The following CCDC178 variants were observed in gnomAD, a reference collection of about 807,000 sequenced individuals.
The protein encoded by CCDC178 is coiled-coil domain containing 178.
A neutral mutation model predicts 117.4 loss-of-function variants in CCDC178; 126 were observed. The ratio of observed to expected loss-of-function variants is 1.07; its 90% CI spans 0.93 to 1.24. The LOEUF (loss-of-function observed/expected upper bound fraction) is 1.24, where lower values mean the gene tolerates loss of function less well. Among genes scored for constraint, CCDC178 ranks in the 50% most tolerant of loss-of-function variants. The probability of loss-of-function intolerance (pLI) is 0.00; values close to 1 mark genes in which losing one functional copy is unlikely to be tolerated. For synonymous variants in CCDC178, 283 were observed against 313.4 expected, an observed-to-expected ratio of 0.90 and a Z score of 1.02; for missense variants, 1,030 against 986.9, an observed-to-expected ratio of 1.04 and a Z score of -0.59.
At chr18:33,187,020 G>A (rs540292068) in intron 20 of CCDC178, among the ~76,000 whole-genome samples, 1 of 146,102 alleles carries the variant, frequency 6.8e-6, no homozygotes, top group East Asian at 2.0e-4. Context: ...AGTTCTGCAT[G>A]GCTGGGGAAA....
At chr18:33,228,507 A>G (rs762116697) in intron 15 of CCDC178, among the ~76,000 whole-genome samples, 1 of 152,236 alleles carries the variant, frequency 6.6e-6, no homozygotes, top group Non-Finnish European at 1.5e-5. Flanking sequence ...AGAATAAGAC[A>G]CTTGTATTTC....
chr18:33,088,213 C>T (rs2145058218), intron 21 of CCDC178, among the ~76,000 whole-genome samples: 1 of 152,162 alleles, frequency 6.6e-6, no homozygotes, highest in East Asian at 1.9e-4. Context: ...TATAGTAAAT[C>T]TTGAAGTTGG....
chr18:33,216,567 C>T (rs1361612948), intron 18 of CCDC178, among the ~76,000 whole-genome samples: 1 of 152,022 alleles, frequency 6.6e-6, no homozygotes, highest in Non-Finnish European at 1.5e-5. Flanking sequence ...GCTCCTTCTG[C>T]CTCCACTATC....
chr18:33,314,258 C>G lies in CCDC178; in HGVS notation c.1022+9233G>C, dbSNP rs2062387602. 6.2e-5 allele frequency among the ~76,000 whole-genome samples: 9 copies of G among 145,674 alleles called. 1 individual carries two copies. The South Asian group carries it at 2.1e-3, about 33-fold the overall frequency. ...AGAAATTGTGCCTAGATTCAGGCTG[C>G]CATGGTCAATCCAAAGTGGTAATAG... is the stretch of plus-strand genomic sequence containing the variant. On this transcript the variant is annotated intron_variant, in intron 11 of 22. Coordinates refer to ENST00000383096, the MANE Select transcript of CCDC178 (RefSeq NM_001105528.4).
intron 8 of CCDC178, among the ~76,000 whole-genome samples, chr18:33,346,869 C>T (rs1381881542): frequency 6.6e-6 from 1 of 152,124 alleles, no homozygotes; most frequent in Non-Finnish European, 1.5e-5. Flanking sequence ...AACTTCTCTA[C>T]TTAGCTTTGC....
intron 21 of CCDC178, among the ~76,000 whole-genome samples, chr18:33,073,529 ATC>A (rs2057148040): frequency 6.0e-5 from 9 of 148,832 alleles, no homozygotes; most frequent in African/African-American, 2.3e-4. Flanking sequence ...CTATCTATCT[ATC>A]TATCTATCTA....
At chr18:33,423,733 C>A (rs1339520693) in intron 2 of CCDC178, among the ~76,000 whole-genome samples, 1 of 151,980 alleles carries the variant, frequency 6.6e-6, no homozygotes, top group Non-Finnish European at 1.5e-5. Context: ...TTTTCTTTGA[C>A]AAAGTGTTGA....
At chr18:32,985,400 A>G (rs1269863857) in intron 21 of CCDC178, among the ~76,000 whole-genome samples, 1 of 151,972 alleles carries the variant, frequency 6.6e-6, no homozygotes, top group African/African-American at 2.4e-5. Flanking sequence ...TTCATTTAGA[A>G]TGCAAAACTC....
At chr18:33,363,161 T>C (rs978982021) in intron 6 of CCDC178, among the ~76,000 whole-genome samples, 7 of 151,996 alleles carry the variant, frequency 4.6e-5, no homozygotes. Flanking sequence ...AACATAATTA[T>C]CTAATTCAAG....
chr18:33,406,454 T>A (rs1363553582), intron 3 of CCDC178, among the ~76,000 whole-genome samples: 1 of 151,960 alleles, frequency 6.6e-6, no homozygotes, highest in Non-Finnish European at 1.5e-5. Context: ...TATAAAATAA[T>A]AGTATTACAG....
chr18:33,328,143 C>T (rs755340381), intron 10 of CCDC178: 66 of 282,540 alleles, frequency 2.3e-4, no homozygotes, highest in Non-Finnish European at 3.6e-4. Context: ...TGCTCTGTTG[C>T]CAGGCTGGAG....
intron 11 of CCDC178, among the ~76,000 whole-genome samples, chr18:33,311,804 G>A (rs2144955379): frequency 6.6e-6 from 1 of 152,278 alleles, no homozygotes; most frequent in South Asian, 2.1e-4. Context: ...GATGTAGGGT[G>A]CAAGACTGTT....
chr18:33,195,781 A>T (rs1407365648), intron 20 of CCDC178, among the ~76,000 whole-genome samples: 1 of 152,206 alleles, frequency 6.6e-6, no homozygotes, highest in Non-Finnish European at 1.5e-5. Flanking sequence ...TCCTATGATA[A>T]TAACTTATAC....
In CCDC178 at chr18:33,317,883, T is replaced by C. The variant is rs183276231; in HGVS notation, c.1022+5608A>G. ...CAGCTGAGACAGGTTTAAGCCAAGA[T>C]AGCCAACCAAAGGACTTCAAAAGGA... On this transcript the variant is annotated intron_variant, in intron 11 of 22. Coordinates refer to ENST00000383096, the MANE Select transcript of CCDC178 (RefSeq NM_001105528.4). Among the ~76,000 whole-genome samples the C allele has an allele frequency of 2.6e-5, 4 of 152,234 alleles. No homozygotes were observed. The East Asian group carries it at 7.7e-4, about 29-fold the overall frequency.
chr18:33,080,479 T>A (rs1211747118), intron 21 of CCDC178, among the ~76,000 whole-genome samples: 1 of 152,114 alleles, frequency 6.6e-6, no homozygotes, highest in Non-Finnish European at 1.5e-5. Flanking sequence ...AGACATTGTA[T>A]TGACACAGGA....
chr18:33,167,853 T>G (rs1029465688), intron 20 of CCDC178, among the ~76,000 whole-genome samples: 4 of 151,016 alleles, frequency 2.6e-5, no homozygotes, highest in African/African-American at 9.8e-5. Context: ...GGTGAGAGAG[T>G]GAGACTCTGT....
At chr18:33,256,457 C>A (rs1411880091) in intron 14 of CCDC178, among the ~76,000 whole-genome samples, 1 of 152,008 alleles carries the variant, frequency 6.6e-6, no homozygotes, top group African/African-American at 2.4e-5. Context: ...GATGCAGATG[C>A]TGTCCCTATA....
At chr18:33,416,427 G>A (rs1405160123) in intron 2 of CCDC178, among the ~76,000 whole-genome samples, 4 of 141,348 alleles carry the variant, frequency 2.8e-5, no homozygotes, top group East Asian at 4.2e-4. Flanking sequence ...ACTCTGTCTC[G>A]AAAAAAAAAA....
At chr18:33,290,885 G>C (rs1568120717) in intron 12 of CCDC178, among the ~76,000 whole-genome samples, 1 of 151,914 alleles carries the variant, frequency 6.6e-6, no homozygotes, top group Non-Finnish European at 1.5e-5. Flanking sequence ...GTAACAACTT[G>C]TTTTCTATAT....
Sources: gnomAD v4.1 joint callset for allele counts (sites outside exome capture counted in the v4.1 genomes callset) on GRCh38, gnomAD v4.1.1 for gene constraint, MANE v1.5 for transcripts, NCBI Gene and HGNC (gene_info 2026-07-23, HGNC 2026-07-21) for gene names.